The following RAB21 variants were observed in gnomAD, a reference collection of about 807,000 sequenced individuals.
RAB21 encodes the protein ras-related protein Rab-21.
In RAB21, 13 loss-of-function variants were observed where a neutral mutation model predicts 33.1. The observed-to-expected ratio is 0.39, with a 90% CI of 0.26 to 0.62. The LOEUF (loss-of-function observed/expected upper bound fraction) is 0.62, where lower values mean the gene tolerates loss of function less well. Among genes scored for constraint, RAB21 ranks in the 20% least tolerant of loss-of-function variants. The pLI is 0.48. For synonymous variants in RAB21, 91 were observed against 103.7 expected, an observed-to-expected ratio of 0.88 and a Z score of 0.74; for missense variants, 234 against 279.1, an observed-to-expected ratio of 0.84 and a Z score of 1.15.
rs139184172 is a variant in RAB21, at chr12:71,779,546, T to G, written c.392-2485T>G. ...CACATTTAAAAGCTTTCTGAAAGCT[T>G]CTTTCCACTGTGCCCCACAACCATT... On this transcript the variant is annotated intron_variant, in intron 4 of 6. Coordinates refer to ENST00000261263, the MANE Select transcript of RAB21 (RefSeq NM_014999.4). 6.6e-3 allele frequency among the ~76,000 whole-genome samples: 1,010 copies of G among 152,328 alleles called. 14 individuals carry two copies. Among genetic ancestry groups the G allele is most frequent in the African/African-American group, 0.023 (964 of 41,574 alleles).
At chr12:71,762,885 TTA>T (rs902852825) in intron 1 of RAB21, among the ~76,000 whole-genome samples, 5 of 152,178 alleles carry the variant, frequency 3.3e-5, no homozygotes, top group African/African-American at 1.2e-4. Flanking sequence ...CCGGCCTAGC[TTA>T]GTTTTTTGAT....
Position 71,758,218 on chromosome 12 carries a change from C to T in RAB21, c.159+2930C>T, listed in dbSNP as rs927395393. 2.6e-5 allele frequency among the ~76,000 whole-genome samples: 4 copies of T among 151,280 alleles called. 1 individual carries two copies. The highest frequency in any genetic ancestry group is 4.2e-4 in the South Asian group (2 of 4,794). ...TGGCTAATTTTTGTATGTTTAGTAG[C>T]GATGGGATTTTGCCGTGTTGGCCAG... On this transcript the variant is annotated intron_variant, in intron 1 of 6. Transcript: ENST00000261263.
chr12:71,772,775 G>C (rs535736195), intron 3 of RAB21, among the ~76,000 whole-genome samples: 1 of 152,220 alleles, frequency 6.6e-6, no homozygotes, highest in East Asian at 1.9e-4. Context: ...TGAAAACTTT[G>C]TACATATATG....
At chr12:71,770,211 T>C (rs1883021973) in intron 2 of RAB21, among the ~76,000 whole-genome samples, 1 of 152,122 alleles carries the variant, frequency 6.6e-6, no homozygotes, top group Admixed American at 6.6e-5. Flanking sequence ...GTGATCTTGA[T>C]GCACGTGCCA....
At chr12:71,772,258 T>C (rs1168546538) in intron 3 of RAB21, among the ~76,000 whole-genome samples, 1 of 152,178 alleles carries the variant, frequency 6.6e-6, no homozygotes, top group Non-Finnish European at 1.5e-5. Context: ...TCTCTCTATG[T>C]GCTCTCTCAT....
intron 1 of RAB21, 82 bp downstream of exon 1, chr12:71,755,370 C>T (rs1882769515): frequency 1.4e-6 from 2 of 1,387,510 alleles, no homozygotes; most frequent in Non-Finnish European, 1.9e-6. Flanking sequence ...CCCTGGTCCC[C>T]TGGATGTAGG....
chr12:71,796,622 T>C lies in RAB21; in HGVS notation c.*10949T>C, dbSNP rs1247828934. On this transcript the variant is annotated 3_prime_UTR_variant, in exon 7 of 7. Transcript: ENST00000261263. ...AGCATTTAATCTTCTATTTCAGTGA[T>C]TGGTTTGGATCTACTTAATTTTAAG... The C allele has an allele frequency of 1.5e-5, 2 of 137,060 alleles. 1 individual carries two copies. Among genetic ancestry groups the C allele is most frequent in the African/African-American group, 5.9e-5 (2 of 33,968 alleles). 8.5% of individuals were successfully genotyped at this position (137,060 alleles called of 1,614,324 possible).
intron 4 of RAB21, among the ~76,000 whole-genome samples, chr12:71,774,756 T>A (rs1188958026): frequency 5.4e-4 from 72 of 133,850 alleles, no homozygotes; most frequent in African/African-American, 1.9e-3. Context: ...GACTGTGTCT[T>A]AAAAAAAAAA....
chr12:71,771,352 A>T (rs923906599), intron 3 of RAB21, among the ~76,000 whole-genome samples: 2 of 152,040 alleles, frequency 1.3e-5, no homozygotes, highest in African/African-American at 4.8e-5. Context: ...CTCTTCTTGG[A>T]ATATGTCAAC....
intron 4 of RAB21, among the ~76,000 whole-genome samples, chr12:71,780,200 C>T (rs182420499): frequency 1.3e-5 from 2 of 152,186 alleles, no homozygotes; most frequent in Non-Finnish European, 2.9e-5. Flanking sequence ...AAGGTGATTG[C>T]CTGCTTTTCC....
At chr12:71,763,100 C>T (rs1031889074) in intron 1 of RAB21, among the ~76,000 whole-genome samples, 68 of 42,346 alleles carry the variant, frequency 1.6e-3, no homozygotes, top group Non-Finnish European at 5.3e-3. Flanking sequence ...TTATTTTGCA[C>T]GCACACACAC....
Position 71,755,151 on chromosome 12 carries a change from G to A in RAB21, c.22G>A (p.Gly8Ser), listed in dbSNP as rs1283046317. 3 of 1,293,698 alleles carry A rather than the reference G, an allele frequency of 2.3e-6. No individual in the cohort carries two copies. In the African/African-American group the frequency reaches 4.7e-5, roughly 20 times the overall value. The allele number at this position is 1,293,698 out of a possible 1,614,324, so 80.1% of individuals were successfully genotyped here. A position where few individuals can be genotyped will look rare whatever the true frequency, so the allele number is the denominator to read the frequency against. ...CGGGATGGCTGCGGCCGGCGGCGGC[G>A]GCGGCGGGGCGGCGGCGGCGGGCCG... MAAAGGG[G>S]GGAAAAGRAY... Residue 8 changes from glycine (G) to serine (S), a missense_variant, in exon 1 of 7, where the codon GGC (glycine) becomes AGC (serine). Coordinates refer to ENST00000261263, the MANE Select transcript of RAB21 (RefSeq NM_014999.4).
chr12:71,774,751 T>C (rs946294434), intron 4 of RAB21, among the ~76,000 whole-genome samples: 23 of 125,324 alleles, frequency 1.8e-4, no homozygotes, highest in African/African-American at 9.9e-4. Context: ...AGCGAGACTG[T>C]GTCTTAAAAA....
intron 1 of RAB21, among the ~76,000 whole-genome samples, chr12:71,762,613 C>T (rs1194141466): frequency 6.6e-6 from 1 of 151,906 alleles, no homozygotes; most frequent in African/African-American, 2.4e-5. Context: ...GATGGTGTAT[C>T]GCCCTTTCGC....
chr12:71,765,515 A>T (rs1231702249), intron 1 of RAB21, among the ~76,000 whole-genome samples: 3 of 152,078 alleles, frequency 2.0e-5, no homozygotes, highest in African/African-American at 7.2e-5. Flanking sequence ...GTTAGTCATG[A>T]ATTCTTTCTC....
At chr12:71,756,727 A>T (rs1467838457) in intron 1 of RAB21, among the ~76,000 whole-genome samples, 1 of 152,208 alleles carries the variant, frequency 6.6e-6, no homozygotes, top group Non-Finnish European at 1.5e-5. Context: ...AATTCACTGG[A>T]CAAATACCTA....
chr12:71,774,743 C>T (rs1363708829), intron 4 of RAB21, among the ~76,000 whole-genome samples: 1 of 140,206 alleles, frequency 7.1e-6, no homozygotes, highest in Non-Finnish European at 1.5e-5. Flanking sequence ...GGCAACAGAG[C>T]GAGACTGTGT....
intron 1 of RAB21, among the ~76,000 whole-genome samples, chr12:71,761,475 TC>T (rs1882871436): frequency 6.6e-6 from 1 of 152,140 alleles, no homozygotes; most frequent in Non-Finnish European, 1.5e-5. Context: ...GGTCAGGAGT[TC>T]AAGACCAGCC....
At chr12:71,762,175 A>G (rs562180599) in intron 1 of RAB21, among the ~76,000 whole-genome samples, 1 of 152,338 alleles carries the variant, frequency 6.6e-6, no homozygotes, top group African/African-American at 2.4e-5. Context: ...CTCTTTAAAC[A>G]TGATTCTTTG....
Sources: gnomAD v4.1 joint callset for allele counts (sites outside exome capture counted in the v4.1 genomes callset) on GRCh38, gnomAD v4.1.1 for gene constraint, MANE v1.5 for transcripts, NCBI Gene and HGNC (gene_info 2026-07-23, HGNC 2026-07-21) for gene names.